The following SLC36A1 variants were observed in gnomAD, a reference collection of about 807,000 sequenced individuals.
SLC36A1 encodes solute carrier family 36 member 1, also known as proton-coupled amino acid transporter 1.
A neutral mutation model predicts 47.5 loss-of-function variants in SLC36A1; 30 were observed. The ratio of observed to expected loss-of-function variants is 0.63; its 90% CI spans 0.47 to 0.86. SLC36A1 has a LOEUF of 0.86. Among genes scored for constraint, SLC36A1 ranks in the 40% least tolerant of loss-of-function variants. The probability of loss-of-function intolerance (pLI) is 0.00; values close to 1 mark genes in which losing one functional copy is unlikely to be tolerated. For missense variants in SLC36A1, 517 were observed against 606.0 expected (o/e 0.85, Z 1.54); for synonymous variants, 255 against 249.7 (o/e 1.02, Z -0.20).
At chr5:151,399,483 CTT>C in the SLC36A1 span, among the ~76,000 whole-genome samples, 1 of 151,982 alleles carries the variant, frequency 6.6e-6, no homozygotes, top group Non-Finnish European at 1.5e-5. Flanking sequence ...ATACTTTGTT[CTT>C]TTTGTGATTT....
chr5:151,454,155 A>C (rs986520939), intron 1 of SLC36A1, among the ~76,000 whole-genome samples: 1 of 129,638 alleles, frequency 7.7e-6, no homozygotes, highest in Admixed American at 9.2e-5. Context: ...CACTCTTCTG[A>C]GTCTAAATAT....
intron 4 of SLC36A1, among the ~76,000 whole-genome samples, 187 bp from the exon 5 acceptor site, chr5:151,464,887 T>C (rs987007984): frequency 5.3e-5 from 8 of 152,236 alleles, no homozygotes; most frequent in African/African-American, 1.9e-4. Flanking sequence ...TTGTTAATTA[T>C]AATAAAAGTA....
chr5:151,454,663 T>TGCCTGACCTTTGAGGCCCC (rs1405133849), intron 1 of SLC36A1, among the ~76,000 whole-genome samples: 15 of 150,518 alleles, frequency 1.0e-4, no homozygotes, highest in African/African-American at 3.7e-4. Flanking sequence ...ATCCTAGCCC[T>TGCCTGACCTTTGAGGCCCC]GCCTGACCTT....
At chr5:151,397,328 G>A in the SLC36A1 span, among the ~76,000 whole-genome samples, 1 of 152,170 alleles carries the variant, frequency 6.6e-6, no homozygotes, top group African/African-American at 2.4e-5. Flanking sequence ...ACAAAGCGGG[G>A]AGCGGAACAA....
At chr5:151,473,611 A>T in intron 7 of SLC36A1, 62 bp from the exon 8 acceptor site, 1 of 1,123,622 alleles carries the variant, frequency 8.9e-7, no homozygotes, top group Non-Finnish European at 1.3e-6. Context: ...TCAGAGTTCA[A>T]ATCTTGAATT....
chr5:151,543,674 G>C, the SLC36A1 span: 4 of 1,614,056 alleles, frequency 2.5e-6, no homozygotes, highest in African/African-American at 4.0e-5. Context: ...GCCTCATAAA[G>C]GTGCTGCTGG....
chr5:151,537,902 G>A, the SLC36A1 span: 2 of 1,614,048 alleles, frequency 1.2e-6, no homozygotes, highest in Middle Eastern at 1.6e-4. Context: ...TCAAAATGAA[G>A]TGTCCTGGAA....
At chr5:151,505,450 T>C in the SLC36A1 span, 1 of 1,279,118 alleles carries the variant, frequency 7.8e-7, no homozygotes, top group African/African-American at 1.5e-5. Context: ...CAGCCTGGGC[T>C]GAGGGCTTCC....
chr5:151,419,357 T>A, the SLC36A1 span, among the ~76,000 whole-genome samples: 3 of 152,202 alleles, frequency 2.0e-5, no homozygotes, highest in African/African-American at 7.2e-5. Context: ...TTTTAGTAGG[T>A]TGGATTCTAG....
chr5:151,488,077 C>G lies in SLC36A1; in HGVS notation c.1254C>G (p.Leu418=), dbSNP rs776184127. 9.3e-6 allele frequency: 15 copies of G among 1,614,060 alleles called. No individual in the cohort carries two copies. The highest frequency in any genetic ancestry group is 1.3e-5 in the Non-Finnish European group (15 of 1,180,034). The change falls in exon 11 of 11, where the codon CTC becomes CTG. Residue 418 remains leucine (L), a synonymous_variant. Transcript: ENST00000243389. Reference sequence around the variant, plus strand: ...CCCTGGCCCTCATCATCCCACCGCTCCTGGAGGTCACCACCTTCTACTCAG... The same window carrying G: ...CCCTGGCCCTCATCATCCCACCGCTGCTGGAGGTCACCACCTTCTACTCAG... ...SSALALIIPP[L]LEVTTFYSEG...
chr5:151,491,745 G>C lies in SLC36A1; in HGVS notation c.*3491G>C, dbSNP rs116043088. The C allele has an allele frequency of 1.3e-5, 2 of 152,626 alleles. No homozygotes were observed. The highest frequency in any genetic ancestry group is 4.8e-5 in the African/African-American group (2 of 41,440). The allele number at this position is 152,626 out of a possible 1,614,324, so 9.5% of individuals were successfully genotyped here. On this transcript the variant is annotated 3_prime_UTR_variant, in exon 11 of 11. Coordinates refer to ENST00000243389, the MANE Select transcript of SLC36A1 (RefSeq NM_078483.4). ...GCTGGGTGCACAATGCTGCTTCCTC[G>C]AAGAGAAGACACAGAGTCCAAGTGG... is the stretch of plus-strand genomic sequence containing the variant.
the SLC36A1 span, among the ~76,000 whole-genome samples, chr5:151,499,747 C>T: frequency 6.6e-6 from 1 of 152,160 alleles, no homozygotes; most frequent in African/African-American, 2.4e-5. Context: ...TGTGCAAGCC[C>T]TCCCTCATCC....
chr5:151,458,435 G>A (rs1408728862), intron 1 of SLC36A1, among the ~76,000 whole-genome samples: 4 of 151,052 alleles, frequency 2.6e-5, no homozygotes, highest in Non-Finnish European at 5.9e-5. Flanking sequence ...TAAGGAATAG[G>A]GAATGCGGAA....
chr5:151,525,643 C>T, the SLC36A1 span: 1 of 1,010,268 alleles, frequency 9.9e-7, no homozygotes, highest in South Asian at 1.5e-5. Context: ...AGGACCTAGC[C>T]CAGTGCCTGA....
At chr5:151,510,156 G>A in the SLC36A1 span, 1 of 1,614,088 alleles carries the variant, frequency 6.2e-7, no homozygotes. Flanking sequence ...GAACTGTGGG[G>A]GACATTTGCA....
At chr5:151,480,112 A>C in intron 10 of SLC36A1, 1 of 1,479,700 alleles carries the variant, frequency 6.8e-7, no homozygotes, top group Non-Finnish European at 8.9e-7. Context: ...AAAACTGGTG[A>C]CATTTAGAAA....
the SLC36A1 span, among the ~76,000 whole-genome samples, chr5:151,354,982 G>GTC: frequency 6.6e-6 from 1 of 152,156 alleles, no homozygotes; most frequent in Non-Finnish European, 1.5e-5. Context: ...TGAACATTAA[G>GTC]AGCTATAATG....
the SLC36A1 span, among the ~76,000 whole-genome samples, chr5:151,538,276 G>A: frequency 6.6e-6 from 1 of 152,228 alleles, no homozygotes; most frequent in East Asian, 1.9e-4. Context: ...AGAAGGGACT[G>A]CTACAATTTC....
chr5:151,522,213 C>A, the SLC36A1 span: 2 of 660,940 alleles, frequency 3.0e-6, no homozygotes, highest in Non-Finnish European at 4.9e-6. Flanking sequence ...TGGCTCAGCG[C>A]ATTGTTGCAT....
Sources: gnomAD v4.1 joint callset for allele counts (sites outside exome capture counted in the v4.1 genomes callset) on GRCh38, gnomAD v4.1.1 for gene constraint, MANE v1.5 for transcripts, NCBI Gene and HGNC (gene_info 2026-07-23, HGNC 2026-07-21) for gene names.